The following ARB2A variants were observed in gnomAD, a reference collection of about 807,000 sequenced individuals.
The protein encoded by ARB2A is cotranscriptional regulator ARB2A.
the ARB2A span, among the ~76,000 whole-genome samples, chr5:94,041,674 T>C: frequency 1.3e-5 from 2 of 152,182 alleles, no homozygotes; most frequent in Non-Finnish European, 2.9e-5. Flanking sequence ...ATGTAAACAT[T>C]TGGTCTAAAT....
the ARB2A span, among the ~76,000 whole-genome samples, chr5:93,719,419 A>G: frequency 6.6e-6 from 1 of 152,218 alleles, no homozygotes; most frequent in Non-Finnish European, 1.5e-5. Context: ...CCGAAGCCAC[A>G]TATAGGTTAG....
the ARB2A span, among the ~76,000 whole-genome samples, chr5:94,073,768 T>C: frequency 6.6e-6 from 1 of 152,100 alleles, no homozygotes; most frequent in Non-Finnish European, 1.5e-5. Flanking sequence ...TAAAACCTTC[T>C]ATAGGGTTGT....
At chr5:94,045,501 G>A in the ARB2A span, among the ~76,000 whole-genome samples, 5 of 152,014 alleles carry the variant, frequency 3.3e-5, no homozygotes, top group East Asian at 9.7e-4. Context: ...TTAATAGTAT[G>A]AAACTTCTAG....
chr5:93,747,423 T>A, the ARB2A span, among the ~76,000 whole-genome samples: 165 of 152,236 alleles, frequency 1.1e-3, no homozygotes, highest in Admixed American at 1.8e-3. Flanking sequence ...TGAACTCTTA[T>A]TTTAACTAGC....
the ARB2A span, chr5:93,682,717 T>C: frequency 1.1e-5 from 7 of 656,908 alleles, no homozygotes; most frequent in African/African-American, 9.0e-5. Flanking sequence ...CTGGACAACA[T>C]TTATCAAACA....
the ARB2A span, among the ~76,000 whole-genome samples, chr5:93,851,915 C>G: frequency 6.6e-6 from 1 of 152,158 alleles, no homozygotes; most frequent in Non-Finnish European, 1.5e-5. Context: ...AATAAACATA[C>G]AAGTGCATGT....
the ARB2A span, among the ~76,000 whole-genome samples, chr5:93,837,795 C>G: frequency 6.6e-6 from 1 of 152,120 alleles, no homozygotes; most frequent in East Asian, 1.9e-4. Flanking sequence ...GCTTGTTGGC[C>G]ACATGTATGG....
At chr5:93,659,761 A>G in the ARB2A span, among the ~76,000 whole-genome samples, 2 of 152,160 alleles carry the variant, frequency 1.3e-5, no homozygotes, top group Admixed American at 1.3e-4. Flanking sequence ...CTTGAAGGTC[A>G]AGGACACTCC....
chr5:94,069,066 A>G, the ARB2A span, among the ~76,000 whole-genome samples: 1 of 151,614 alleles, frequency 6.6e-6, no homozygotes, highest in African/African-American at 2.4e-5. Flanking sequence ...AGATAGATAG[A>G]TAGATAGATA....
At chr5:94,074,719 C>A in the ARB2A span, 1 of 1,612,522 alleles carries the variant, frequency 6.2e-7, no homozygotes, top group Non-Finnish European at 8.5e-7. Flanking sequence ...TCCAAATTGG[C>A]AACAAAATTA....
chr5:94,082,569 A>C, the ARB2A span, among the ~76,000 whole-genome samples: 1 of 152,166 alleles, frequency 6.6e-6, no homozygotes, highest in Non-Finnish European at 1.5e-5. Context: ...GCATTTAAGT[A>C]CCACTCAAAT....
chr5:94,027,603 A>G, the ARB2A span, among the ~76,000 whole-genome samples: 1 of 152,214 alleles, frequency 6.6e-6, no homozygotes, highest in African/African-American at 2.4e-5. Context: ...AAGGGGAACA[A>G]GAATTCATTA....
At chr5:93,962,883 C>G in the ARB2A span, among the ~76,000 whole-genome samples, 63 of 152,090 alleles carry the variant, frequency 4.1e-4, no homozygotes, top group African/African-American at 1.5e-3. Context: ...ATAATCAGAT[C>G]CATAATACAG....
At chr5:93,985,249 T>A in the ARB2A span, among the ~76,000 whole-genome samples, 1 of 152,216 alleles carries the variant, frequency 6.6e-6, no homozygotes, top group African/African-American at 2.4e-5. Context: ...TTGTCTTCAT[T>A]CTTTTTTACT....
chr5:94,024,454 G>A, the ARB2A span, among the ~76,000 whole-genome samples: 3 of 152,054 alleles, frequency 2.0e-5, no homozygotes, highest in Non-Finnish European at 4.4e-5. Context: ...ATGAATGTGT[G>A]TATATGTGTT....
At chr5:93,642,189 C>A in the ARB2A span, among the ~76,000 whole-genome samples, 12 of 151,156 alleles carry the variant, frequency 7.9e-5, no homozygotes, top group Non-Finnish European at 1.8e-4. Flanking sequence ...CCCTATGTTG[C>A]CTAGGCTTTT....
the ARB2A span, among the ~76,000 whole-genome samples, chr5:94,038,577 C>T: frequency 2.0e-5 from 3 of 151,864 alleles, no homozygotes; most frequent in African/African-American, 7.3e-5. Flanking sequence ...TATTATGGCA[C>T]TGCATTCTAA....
chr5:93,688,817 C>A, the ARB2A span, among the ~76,000 whole-genome samples: 6 of 152,156 alleles, frequency 3.9e-5, no homozygotes, highest in Middle Eastern at 3.2e-3. Context: ...CCCATGAAAG[C>A]TGATCAATAT....
the ARB2A span, among the ~76,000 whole-genome samples, chr5:93,634,511 A>G: frequency 6.6e-6 from 1 of 152,188 alleles, no homozygotes; most frequent in Non-Finnish European, 1.5e-5. Flanking sequence ...AGGTGGACTC[A>G]GGTGGCCATA....
Sources: gnomAD v4.1 joint callset for allele counts (sites outside exome capture counted in the v4.1 genomes callset) on GRCh38, gnomAD v4.1.1 for gene constraint, MANE v1.5 for transcripts, NCBI Gene and HGNC (gene_info 2026-07-23, HGNC 2026-07-21) for gene names.